ZNF208: variants seen among roughly 807,000 people sequenced by gnomAD.
ZNF208 encodes the protein zinc finger protein 208, also known as zinc finger protein 95.
In ZNF208, 10 loss-of-function variants were observed where a neutral mutation model predicts 12.1. The ratio of observed to expected loss-of-function variants is 0.83; its 90% CI spans 0.51 to 1.40. ZNF208 has a LOEUF of 1.40. Among genes scored for constraint, ZNF208 ranks in the 40% most tolerant of loss-of-function variants. ZNF208 has a pLI of 0.00. For missense variants in ZNF208, 1,652 were observed against 1,485.0 expected (o/e 1.11, Z -1.85); for synonymous variants, 497 against 488.4 (o/e 1.02, Z -0.23).
chr19:21,947,993 G>T (rs1969838207), intron 4 of ZNF208, among the ~76,000 whole-genome samples: 1 of 152,108 alleles, frequency 6.6e-6, no homozygotes, highest in Non-Finnish European at 1.5e-5. Context: ...TGAAGGTCAT[G>T]CTCGCATCCA....
chr19:21,973,365 C>T lies in ZNF208; in HGVS notation c.1669G>A (p.Glu557Lys), dbSNP rs375087805. The change falls in exon 4 of 4, where the codon GAA becomes AAA. Residue 557 changes from glutamate (E) to lysine (K), a missense_variant. Around this residue, in one of 3 missense-constraint regions of ZNF208, gnomAD observed 1,239 missense variants for 1,086.2 expected, o/e 1.14. Transcript: ENST00000397126. ...HTGEKPYKCE[E>K]CGKAYKWSST... ...GACCACTTATAGGCTTTGCCACATTCTTCACATTTGTAGGGTTTCTCTCCA... is the reference window on the plus strand; with the variant it reads ...GACCACTTATAGGCTTTGCCACATTTTTCACATTTGTAGGGTTTCTCTCCA... The T allele has an allele frequency of 6.2e-7, 1 of 1,611,448 alleles. No homozygotes were observed. Among genetic ancestry groups the T allele is most frequent in the Non-Finnish European group, 8.5e-7 (1 of 1,179,796 alleles).
rs551725708 is a variant in ZNF208, at chr19:21,969,249, T to C, written c.*1942A>G. On this transcript the variant is annotated 3_prime_UTR_variant, in exon 4 of 4. Coordinates refer to ENST00000397126, the MANE Select transcript of ZNF208 (RefSeq NM_007153.3). ...ATCTGCCCACCTTGGCATCACAAAG[T>C]ATTGGCCACAGTAAGCCAATGTGTC... Among the ~76,000 whole-genome samples, 1 of 151,668 alleles carries C rather than the reference T, an allele frequency of 6.6e-6. No individual in the cohort carries two copies. The highest frequency in any genetic ancestry group is 2.0e-4 in the East Asian group (1 of 5,126).
At chr19:21,939,900 G>T (rs1437587954) in intron 4 of ZNF208, 1 of 152,156 alleles carries the variant, frequency 6.6e-6, no homozygotes, top group African/African-American at 2.4e-5. Context: ...AATTATACTG[G>T]AAAAGCAGAA....
In ZNF208 at chr19:21,974,538, T is replaced by C. The variant is rs1970389603; in HGVS notation, c.496A>G (p.Arg166Gly). The C allele has an allele frequency of 6.2e-7, 1 of 1,613,490 alleles. No individual in the cohort carries two copies. The highest frequency in any genetic ancestry group is 1.3e-5 in the African/African-American group (1 of 74,918). Residue 166 changes from arginine (R) to glycine (G), a missense_variant, in exon 4 of 4, where the codon AGG (arginine) becomes GGG (glycine). By Grantham distance (125) the Arg-to-Gly change is moderately radical. This residue lies in a region of ZNF208 where 410 missense variants were observed against 378.2 expected (regional missense o/e 1.08). Transcript: ENST00000397126. ...KCSNSNRHKI[R>G]HTGKKHLQCK... Reference sequence around the variant, plus strand: ...TGCAAATGTTTCTTTCCAGTATGCCTTATCTTATGTCTGTTTGAATTTGAA... The same window carrying C: ...TGCAAATGTTTCTTTCCAGTATGCCCTATCTTATGTCTGTTTGAATTTGAA...
Position 21,968,656 on chromosome 19 carries a change from G to A in ZNF208, c.*2535C>T, listed in dbSNP as rs1231863978. The A allele has an allele frequency of 6.6e-6, 1 of 151,468 alleles. No individual in the cohort carries two copies. The highest frequency in any genetic ancestry group is 2.4e-5 in the African/African-American group (1 of 41,242). 9.4% of individuals were successfully genotyped at this position (151,468 alleles called of 1,614,324 possible). On this transcript the variant is annotated 3_prime_UTR_variant, in exon 4 of 4. Transcript: ENST00000397126. ...TATTGACCTGTACTTTCCTTTTTTT[G>A]TGGTGCCTTCACTAGATTTTAGTTT...
intron 1 of ZNF208, among the ~76,000 whole-genome samples, chr19:21,995,639 C>T (rs117278777): frequency 0.018 from 2,723 of 152,226 alleles, 47 homozygotes; most frequent in Middle Eastern, 0.034. Flanking sequence ...CTCCAGAATC[C>T]GGGTTGTCCG....
chr19:21,950,910 C>A (rs1040136684), intron 4 of ZNF208, among the ~76,000 whole-genome samples: 1 of 152,114 alleles, frequency 6.6e-6, no homozygotes, highest in African/African-American at 2.4e-5. Context: ...TGGTTATATA[C>A]GTGTTTTGTG....
At chr19:21,961,756 G>C (rs748324683), downstream of ZNF208, among the ~76,000 whole-genome samples, 1 of 151,460 alleles carries the variant, frequency 6.6e-6, no homozygotes, top group Non-Finnish European at 1.5e-5. Context: ...TTCCCTACTT[G>C]CATGTCCATT....
rs1944594205 is a variant in ZNF208 at position 21,972,941 on chromosome 19, C to T, written c.2093G>A (p.Cys698Tyr). The T allele has an allele frequency of 3.7e-6, 6 of 1,613,664 alleles. No homozygotes were observed. The highest frequency in any genetic ancestry group is 5.1e-6 in the Non-Finnish European group (6 of 1,179,928). Residue 698 changes from cysteine (C) to tyrosine (Y), a missense_variant, in exon 4 of 4, where the codon TGT becomes TAT. Coordinates refer to ENST00000397126, the MANE Select transcript of ZNF208 (RefSeq NM_007153.3). Reference protein sequence around the residue: ...TGEKPYKCEECGKAFNWSSNL... With the variant: ...TGEKPYKCEEYGKAFNWSSNL... The stretch of plus-strand genomic sequence containing the variant: ...TGAGGACCAGTTGAAAGCTTTGCCA[C>T]ATTCTTCACATTTGTAGGGTTTCTC...
intron 1 of ZNF208, among the ~76,000 whole-genome samples, chr19:21,994,220 G>A (rs184266199): frequency 3.9e-5 from 6 of 151,980 alleles, no homozygotes; most frequent in African/African-American, 1.5e-4. Flanking sequence ...ACTAGATCTG[G>A]AGGAACAGAA....
chr19:21,975,168 TTGTTTTGTTC>T (rs1461084184), intron 3 of ZNF208, among the ~76,000 whole-genome samples: 2 of 152,220 alleles, frequency 1.3e-5, no homozygotes, highest in Non-Finnish European at 2.9e-5. Flanking sequence ...TTGTTTTGTT[TTGTTTTGTTC>T]TGTTTTTAAG....
intron 3 of ZNF208, among the ~76,000 whole-genome samples, chr19:21,975,142 T>C (rs1313081742): frequency 6.6e-6 from 1 of 152,206 alleles, no homozygotes; most frequent in Non-Finnish European, 1.5e-5. Flanking sequence ...AATTGTCAAC[T>C]TCTGTTTGTG....
chr19:21,965,210 C>G (rs1970142870), downstream of ZNF208, among the ~76,000 whole-genome samples: 1 of 151,904 alleles, frequency 6.6e-6, no homozygotes, highest in South Asian at 2.1e-4. Context: ...AAATCAGAAA[C>G]TATAAATTTT....
At chr19:21,988,326 G>T (rs1970661398) in intron 2 of ZNF208, among the ~76,000 whole-genome samples, 1 of 152,110 alleles carries the variant, frequency 6.6e-6, no homozygotes, top group Non-Finnish European at 1.5e-5. Context: ...AAGCCTGAGG[G>T]TCATGACCAA....
intron 4 of ZNF208, among the ~76,000 whole-genome samples, chr19:21,942,489 A>G (rs1969756322): frequency 6.6e-6 from 1 of 152,180 alleles, no homozygotes; most frequent in African/African-American, 2.4e-5. Flanking sequence ...TGCTAATCCC[A>G]TAGGTTTATT....
At position 21,944,675 on chromosome 19, in the gene ZNF208, T is replaced by C. The variant is rs537113173; in HGVS notation, c.306-11438A>G. On this transcript the variant is annotated intron_variant, in intron 4 of 4. Coordinates refer to the ZNF208 transcript ENST00000599916. The stretch of plus-strand genomic sequence containing the variant: ...GAAGCTCCAATGATGTAAAGTATTG[T>C]TTCCCGGGCACACAGCTAATTACCC... Among the ~76,000 whole-genome samples, 1,120 of 152,254 alleles carry C rather than the reference T, an allele frequency of 7.4e-3. 9 individuals carry two copies. Among genetic ancestry groups the C allele is most frequent in the African/African-American group, 0.025 (1,048 of 41,528 alleles).
In ZNF208 at chr19:21,955,294, C is replaced by A. The variant is rs191448942; in HGVS notation, c.305+19435G>T. ...TCCATTTCAACTTTGATGAATCTGA[C>A]GATTATGTGTCTTGGAGTTGCTCTT... On this transcript the variant is annotated intron_variant, in intron 4 of 4. Coordinates refer to the ZNF208 transcript ENST00000599916. 3.1e-3 allele frequency among the ~76,000 whole-genome samples: 470 copies of A among 152,280 alleles called. 2 individuals are homozygous for A. The highest frequency in any genetic ancestry group is 5.3e-3 in the Non-Finnish European group (359 of 68,034).
chr19:22,001,892 C>CACAAAAAA (rs1970956230), intron 1 of ZNF208, among the ~76,000 whole-genome samples: 1 of 74,106 alleles, frequency 1.3e-5, no homozygotes, highest in Non-Finnish European at 2.7e-5. Context: ...GACTCCATCC[C>CACAAAAAA]AAAAAAAAAA....
intron 3 of ZNF208, among the ~76,000 whole-genome samples, chr19:21,981,290 C>G (rs912753495): frequency 6.6e-6 from 1 of 152,166 alleles, no homozygotes; most frequent in African/African-American, 2.4e-5. Context: ...CCCTGATTAA[C>G]ATGGATGCAA....
Sources: allele counts gnomAD v4.1 joint callset (sites outside exome capture counted in the v4.1 genomes callset), GRCh38; gene constraint gnomAD v4.1.1; regional missense constraint gnomAD v4.1.1; transcripts MANE v1.5; gene names NCBI Gene and HGNC (gene_info 2026-07-23, HGNC 2026-07-21).